The following ANKRD26 variants were observed in gnomAD, a reference collection of about 807,000 sequenced individuals.
The protein encoded by ANKRD26 is ankyrin repeat domain-containing protein 26.
ANKRD26 carries 141 observed loss-of-function variants against 208.7 expected under a neutral mutation model. The ratio of observed to expected loss-of-function variants is 0.68; its 90% CI spans 0.59 to 0.78. The LOEUF (loss-of-function observed/expected upper bound fraction) is 0.78. ANKRD26 is among the 30% of genes least tolerant of loss of function. The pLI, the probability that ANKRD26 is intolerant of heterozygous loss-of-function variation, is 0.00. For synonymous variants in ANKRD26, 636 were observed against 660.4 expected (o/e 0.96, Z 0.57); for missense variants, 1,889 against 1,938.7 (o/e 0.97, Z 0.48).
chr10:27,071,115 C>A (rs955260272), intron 9 of ANKRD26, among the ~76,000 whole-genome samples: 17 of 149,442 alleles, frequency 1.1e-4, no homozygotes, highest in Non-Finnish European at 2.4e-4. Context: ...ATTATTAGCA[C>A]AAGATAAATC....
rs774254518 is a variant in ANKRD26, at chr10:27,014,554, T to C, written c.4664A>G (p.Tyr1555Cys). The change falls in exon 31 of 34, where the codon TAT becomes TGT. Residue 1555 changes from tyrosine to cysteine, a missense_variant. Tyr to Cys is a radical substitution (Grantham distance 194, BLOSUM62 -2). This residue lies in a region of ANKRD26 where 613 missense variants were observed against 648.2 expected (regional missense o/e 0.95). Coordinates refer to ENST00000376087, the MANE Select transcript of ANKRD26 (RefSeq NM_014915.3). ...TAATTCTTCTAGATAGAGTTGCTTA[T>C]ATTTTTCCAGTTCGGTTTTATTAAA... ...EDFNKTELEK[Y>C]KQLYLEELKV... The C allele has an allele frequency of 3.1e-6, 5 of 1,603,514 alleles. No homozygotes were observed. The highest frequency in any genetic ancestry group is 2.2e-5 in the East Asian group (1 of 44,728).
intron 33 of ANKRD26, 107 bp downstream of exon 33, chr10:27,006,810 A>T: frequency 1.2e-6 from 1 of 830,292 alleles, no homozygotes; most frequent in Non-Finnish European, 2.1e-6. Context: ...CATTTAATGT[A>T]GTATCTATTA....
At chr10:27,066,592 A>G (rs980884452) in intron 10 of ANKRD26, 44 bp from the exon 11 acceptor site, 1 of 1,354,212 alleles carries the variant, frequency 7.4e-7, no homozygotes, top group African/African-American at 1.4e-5. Flanking sequence ...AACATTTACT[A>G]TTGTAAATTT....
At chr10:27,097,574 A>G (rs897452714) in intron 1 of ANKRD26, among the ~76,000 whole-genome samples, 7 of 151,546 alleles carry the variant, frequency 4.6e-5, no homozygotes, top group Admixed American at 1.3e-4. Context: ...GGAGTTCAAT[A>G]TTTTTAAATA....
At chr10:26,970,669 G>A (rs1457573733), downstream of ANKRD26, among the ~76,000 whole-genome samples, 1 of 152,114 alleles carries the variant, frequency 6.6e-6, no homozygotes, top group Non-Finnish European at 1.5e-5. Context: ...AATAATATAG[G>A]CCCACTCCTG....
At chr10:26,996,416 T>C (rs1434045779) in intron 4 of ANKRD26, among the ~76,000 whole-genome samples, 1 of 151,962 alleles carries the variant, frequency 6.6e-6, no homozygotes, top group East Asian at 1.9e-4. Context: ...AAAAATCAGT[T>C]GGGCGTGGTG....
At chr10:27,022,791 T>C in intron 28 of ANKRD26, 104 bp from the exon 29 acceptor site, 1 of 1,052,174 alleles carries the variant, frequency 9.5e-7, no homozygotes, top group Non-Finnish European at 1.4e-6. Context: ...AACAAATGAA[T>C]CATGATTCTC....
In ANKRD26 at chr10:27,035,546, T is replaced by A. The variant is rs1446691652; in HGVS notation, c.2904A>T (p.Thr968=). 1 of 1,613,966 alleles carries A rather than the reference T, an allele frequency of 6.2e-7. No homozygotes were observed. The change falls in exon 24 of 34, where the codon ACA becomes ACT. Residue 968 remains threonine (T), a synonymous_variant. Transcript: ENST00000376087. The part of the protein sequence containing the change: ...KTIKQNEETL[T]QTISQYNGRL... ...GTCCATTATACTGGGATATTGTTTG[T>A]GTTAATGTTTCCTCATTCTGTTTTA...
intron 9 of ANKRD26, 28 bp downstream of exon 9, chr10:27,077,310 G>A (rs2055733996): frequency 1.2e-5 from 19 of 1,563,942 alleles, no homozygotes; most frequent in Non-Finnish European, 1.7e-5. Context: ...AAGGGTACAT[G>A]AAAAAAGTTT....
At chr10:27,052,247 T>C in intron 16 of ANKRD26, 1 of 922,940 alleles carries the variant, frequency 1.1e-6, no homozygotes, top group Non-Finnish European at 1.3e-6. Context: ...GGATTGTAAC[T>C]AAGAAGTAAA....
At chr10:26,995,862 C>A (rs1271299922) in intron 4 of ANKRD26, among the ~76,000 whole-genome samples, 2 of 152,150 alleles carry the variant, frequency 1.3e-5, no homozygotes, top group Non-Finnish European at 2.9e-5. Flanking sequence ...TGGATGAGCA[C>A]TGAGTCCTGG....
chr10:26,989,668 G>T (rs1028868904), downstream of ANKRD26, among the ~76,000 whole-genome samples: 1 of 152,122 alleles, frequency 6.6e-6, no homozygotes, highest in Admixed American at 6.5e-5. Flanking sequence ...AATCATGAGG[G>T]GTGTCCTTGC....
Position 27,077,767 on chromosome 10 carries a change from A to G in ANKRD26, c.814-74T>C. ...ATTTGATAAAATAATCGTAATAGAT[A>G]GTCACCATTACTACATGATCTAACA... is the stretch of plus-strand genomic sequence containing the variant. On this transcript the variant is annotated intron_variant, in intron 7 of 33. Transcript: ENST00000376087. 3 of 1,275,226 alleles carry G rather than the reference A, an allele frequency of 2.4e-6. No homozygotes were observed. The South Asian group carries it at 3.8e-5, about 16-fold the overall frequency. The allele number at this position is 1,275,226 out of a possible 1,614,324, so 79.0% of individuals were successfully genotyped here.
At chr10:27,071,158 CATT>C (rs59220201) in intron 9 of ANKRD26, among the ~76,000 whole-genome samples, 5,208 of 128,076 alleles carry the variant, frequency 0.041, 125 homozygotes, top group South Asian at 0.051. Flanking sequence ...TTGCTACATT[CATT>C]TTTTTTTTTT....
At chr10:27,015,961 G>C (rs1425984790) in intron 30 of ANKRD26, among the ~76,000 whole-genome samples, 1 of 151,982 alleles carries the variant, frequency 6.6e-6, no homozygotes, top group South Asian at 2.1e-4. Context: ...TACCCATGTG[G>C]GTAAGAGAGG....
chr10:27,100,031 C>CT (rs1338678265), intron 1 of ANKRD26, 54 bp downstream of exon 1: 31 of 1,609,504 alleles, frequency 1.9e-5, no homozygotes, highest in Non-Finnish European at 2.3e-5. Context: ...AGGGGCCCCT[C>CT]TTCCTGCCCG....
rs774566765 is a variant in ANKRD26 at position 27,034,954 on chromosome 10, T to C, written c.3496A>G (p.Asn1166Asp). 1 of 1,614,120 alleles carries C rather than the reference T, an allele frequency of 6.2e-7. No individual in the cohort carries two copies. The highest frequency in any genetic ancestry group is 1.7e-5 in the Admixed American group (1 of 60,028). Residue 1166 changes from asparagine to aspartate, a missense_variant, in exon 24 of 34, where the codon AAT becomes GAT. Asn to Asp is a conservative substitution (Grantham distance 23). Coordinates refer to ENST00000376087, the MANE Select transcript of ANKRD26 (RefSeq NM_014915.3). ...ATAGCATGAAACTGGTCTTGGATAT[T>C]AATCACTGTCTTCTCTTTATTGTCA... ...KADNKEKTVI[N>D]IQDQFHAIVQ...
intron 2 of ANKRD26, 28 bp from the exon 3 acceptor site, chr10:27,093,550 C>T (rs1056597892): frequency 1.2e-6 from 2 of 1,613,332 alleles, no homozygotes; most frequent in Admixed American, 3.3e-5. Context: ...AGAAACAGAT[C>T]ATAAATTCTA....
intron 17 of ANKRD26, 138 bp downstream of exon 17, chr10:27,048,663 T>C (rs2054543560): frequency 1.3e-6 from 1 of 784,146 alleles, no homozygotes; most frequent in South Asian, 2.1e-5. Flanking sequence ...CTAATTTGCA[T>C]TTTTCTAATT....
Sources: gnomAD v4.1 joint callset for allele counts (sites outside exome capture counted in the v4.1 genomes callset) on GRCh38, gnomAD v4.1.1 for gene constraint, gnomAD v4.1.1 regional missense constraint, MANE v1.5 for transcripts, NCBI Gene and HGNC (gene_info 2026-07-23, HGNC 2026-07-21) for gene names.